Variants in AKR1B1 observed in about 807,000 individuals in gnomAD.
AKR1B1 encodes aldo-keto reductase family 1 member B1.
Under a neutral mutation model 40.4 loss-of-function variants are expected in AKR1B1, and 22 were observed. The observed-to-expected ratio is 0.54, with a 90% CI of 0.39 to 0.78. The LOEUF (loss-of-function observed/expected upper bound fraction) is 0.78, where lower values mean the gene tolerates loss of function less well. Ranked by LOEUF, AKR1B1 falls within the 30% of genes least tolerant of loss-of-function variation. AKR1B1 has a pLI of 0.00. For synonymous variants in AKR1B1, 157 were observed against 149.9 expected, an observed-to-expected ratio of 1.05 and a Z score of -0.35; for missense variants, 357 against 396.7, an observed-to-expected ratio of 0.90 and a Z score of 0.85.
intron 1 of AKR1B1, 138 bp from the exon 2 acceptor site, chr7:134,451,891 A>G (rs1806300116): frequency 1.1e-6 from 1 of 878,550 alleles, no homozygotes; most frequent in African/African-American, 1.7e-5. Context: ...CTTCCTCAGC[A>G]GCATTCTGGA....
At chr7:134,443,956 C>G (rs568495850) in intron 9 of AKR1B1, among the ~76,000 whole-genome samples, 1 of 152,078 alleles carries the variant, frequency 6.6e-6, no homozygotes, top group Non-Finnish European at 1.5e-5. Context: ...ACAGGATAAT[C>G]GAACAGAAGT....
chr7:134,458,373 G>GCCTGGCCGAGGAGCT (rs1461752956), intron 1 of AKR1B1, among the ~76,000 whole-genome samples: 4 of 152,094 alleles, frequency 2.6e-5, no homozygotes, highest in Admixed American at 2.6e-4. Context: ...CCGAGGCGGC[G>GCCTGGCCGAGGAGCT]CCTGGCCGAG....
chr7:134,456,154 G>A (rs568918105), intron 1 of AKR1B1, among the ~76,000 whole-genome samples: 27 of 152,192 alleles, frequency 1.8e-4, no homozygotes, highest in Non-Finnish European at 3.2e-4. Flanking sequence ...ATCTTCTGTC[G>A]AGCATCTGTG....
intron 9 of AKR1B1, among the ~76,000 whole-genome samples, chr7:134,443,247 TA>T (rs761535935): frequency 6.6e-6 from 1 of 152,116 alleles, no homozygotes; most frequent in East Asian, 1.9e-4. Flanking sequence ...TCCATCTTAA[TA>T]AAAAAACTTT....
intron 1 of AKR1B1, among the ~76,000 whole-genome samples, chr7:134,456,104 G>A (rs1461587344): frequency 6.6e-6 from 1 of 152,214 alleles, no homozygotes; most frequent in Non-Finnish European, 1.5e-5. Flanking sequence ...CCTGCCTGCA[G>A]GGCCTCCTCC....
intron 9 of AKR1B1, 46 bp downstream of exon 9, chr7:134,445,192 T>C: frequency 1.3e-6 from 2 of 1,523,490 alleles, no homozygotes; most frequent in Non-Finnish European, 1.8e-6. Flanking sequence ...CTGTGCAGCA[T>C]CTGAATATCT....
intron 1 of AKR1B1, among the ~76,000 whole-genome samples, chr7:134,457,357 G>A (rs1246677682): frequency 6.6e-6 from 1 of 152,126 alleles, no homozygotes; most frequent in East Asian, 1.9e-4. Flanking sequence ...GAAAGTATTT[G>A]CTATTGCCAA....
At chr7:134,454,366 C>T (rs1176667437) in intron 1 of AKR1B1, among the ~76,000 whole-genome samples, 1 of 152,186 alleles carries the variant, frequency 6.6e-6, no homozygotes, top group Non-Finnish European at 1.5e-5. Context: ...TTTGATAACA[C>T]CGGCTGGCTA....
At chr7:134,450,980 T>G in intron 2 of AKR1B1, 78 bp from the exon 3 acceptor site, 1 of 1,197,032 alleles carries the variant, frequency 8.4e-7, no homozygotes, top group Non-Finnish European at 1.2e-6. Context: ...AGCAGTCTCC[T>G]CTCCCCAAAA....
chr7:134,454,198 T>C (rs1806393102), intron 1 of AKR1B1, among the ~76,000 whole-genome samples: 1 of 152,224 alleles, frequency 6.6e-6, no homozygotes, highest in African/African-American at 2.4e-5. Context: ...GGCAAAACCA[T>C]GCATGCCCAT....
chr7:134,454,275 T>C (rs1806396256), intron 1 of AKR1B1, among the ~76,000 whole-genome samples: 1 of 152,234 alleles, frequency 6.6e-6, no homozygotes, highest in South Asian at 2.1e-4. Context: ...TCTGGGCTGA[T>C]GGCACCAAGT....
At chr7:134,445,211 C>T in intron 9 of AKR1B1, 27 bp downstream of exon 9, 1 of 1,593,488 alleles carries the variant, frequency 6.3e-7, no homozygotes, top group Non-Finnish European at 8.6e-7. Context: ...CTCCTGGGAA[C>T]TGCTCCTCAC....
At chr7:134,444,516 G>C (rs970302849) in intron 9 of AKR1B1, among the ~76,000 whole-genome samples, 1 of 151,454 alleles carries the variant, frequency 6.6e-6, no homozygotes, top group South Asian at 2.1e-4. Flanking sequence ...TACTAAAGGA[G>C]AGAGTGTGGA....
chr7:134,452,369 C>T (rs114233777), intron 1 of AKR1B1, among the ~76,000 whole-genome samples: 1,627 of 152,222 alleles, frequency 0.011, 33 homozygotes, highest in African/African-American at 0.038. Flanking sequence ...GGTGGAGACA[C>T]GGGAGATGGC....
intron 1 of AKR1B1, among the ~76,000 whole-genome samples, chr7:134,458,443 T>G (rs1279249620): frequency 6.6e-6 from 1 of 152,148 alleles, no homozygotes; most frequent in Non-Finnish European, 1.5e-5. Context: ...CACCTAATTC[T>G]CTGCCCTCTA....
upstream of AKR1B1, chr7:134,459,222 C>A: frequency 1.1e-6 from 1 of 871,618 alleles, no homozygotes; most frequent in Non-Finnish European, 1.8e-6. Flanking sequence ...GCCGCGGCGG[C>A]CTTCCCCAAG....
chr7:134,445,456 T>C (rs1191013860), intron 8 of AKR1B1, 136 bp from the exon 9 acceptor site: 3 of 746,252 alleles, frequency 4.0e-6, no homozygotes, highest in Non-Finnish European at 7.0e-6. Context: ...GAAAAGCTGA[T>C]ATATTAGTAT....
At position 134,445,139 on chromosome 7, in the gene AKR1B1, C is replaced by T. The variant is rs551072400; in HGVS notation, c.908+99G>A. The T allele has an allele frequency of 4.2e-5, 45 of 1,061,880 alleles. No homozygotes were observed. In the Middle Eastern group the frequency reaches 1.2e-3, roughly 27 times the overall value. The allele number at this position is 1,061,880 out of a possible 1,614,324, so 65.8% of individuals were successfully genotyped here. A position where few individuals can be genotyped will look rare whatever the true frequency, so the allele number is the denominator to read the frequency against. On this transcript the variant is annotated intron_variant, in intron 9 of 9. Coordinates refer to ENST00000285930, the MANE Select transcript of AKR1B1 (RefSeq NM_001628.4). The stretch of plus-strand genomic sequence containing the variant: ...ATGTGCAAAGCAAGAACAGCTGTGA[C>T]GAGAGCACATTGGCGCTGAGGCCTG...
chr7:134,452,389 G>GT (rs1167495031), intron 1 of AKR1B1, among the ~76,000 whole-genome samples: 1 of 152,200 alleles, frequency 6.6e-6, no homozygotes, highest in Non-Finnish European at 1.5e-5. Flanking sequence ...CCCCTCAGAG[G>GT]TATCAGCAGA....
Sources: gnomAD v4.1 joint callset for allele counts (sites outside exome capture counted in the v4.1 genomes callset) on GRCh38, gnomAD v4.1.1 for gene constraint, MANE v1.5 for transcripts, NCBI Gene and HGNC (gene_info 2026-07-23, HGNC 2026-07-21) for gene names.